The following NLRP3 variants were observed in gnomAD, a reference collection of about 807,000 sequenced individuals.
NLRP3 encodes the protein NLR family pyrin domain containing 3.
NLRP3 carries 48 observed loss-of-function variants against 91.3 expected under a neutral mutation model. The ratio of observed to expected loss-of-function variants is 0.53; its 90% CI spans 0.42 to 0.67. NLRP3 has a LOEUF of 0.67. Ranked by LOEUF, NLRP3 falls within the 30% of genes least tolerant of loss-of-function variation. The pLI, the probability that NLRP3 is intolerant of heterozygous loss-of-function variation, is 0.00. For missense variants in NLRP3, 982 were observed against 1,276.9 expected, an observed-to-expected ratio of 0.77 and a Z score of 3.52; for synonymous variants, 561 against 507.9, an observed-to-expected ratio of 1.10 and a Z score of -1.41.
At chr1:247,428,901 T>TC (rs1663106978) in intron 4 of NLRP3, among the ~76,000 whole-genome samples, 1 of 151,638 alleles carries the variant, frequency 6.6e-6, no homozygotes, top group African/African-American at 2.4e-5. Flanking sequence ...TTTTTCTTTT[T>TC]TTTTTTTTTG....
chr1:247,419,165 T>C, intron 2 of NLRP3, 88 bp downstream of exon 2: 1 of 758,944 alleles, frequency 1.3e-6, no homozygotes, highest in Non-Finnish European at 1.7e-6. Context: ...TATATATATA[T>C]TTTTTTTTGA....
At chr1:247,446,626 C>T (rs1023763390) in intron 9 of NLRP3, among the ~76,000 whole-genome samples, 2 of 152,090 alleles carry the variant, frequency 1.3e-5, no homozygotes, top group African/African-American at 4.8e-5. Context: ...AAATTCTCTG[C>T]TTAAAGGTCT....
intron 3 of NLRP3, among the ~76,000 whole-genome samples, 175 bp downstream of exon 3, chr1:247,423,524 T>G (rs1662623351): frequency 6.6e-6 from 1 of 152,192 alleles, no homozygotes; most frequent in Non-Finnish European, 1.5e-5. Flanking sequence ...TTTGTGTGGC[T>G]CTTGCAGTCC....
chr1:247,444,058 T>G lies in NLRP3; in HGVS notation c.2750T>G (p.Leu917Arg). 6.2e-7 allele frequency: 1 copy of G among 1,614,134 alleles called. No individual in the cohort carries two copies. Among genetic ancestry groups the G allele is most frequent in the Non-Finnish European group, 8.5e-7 (1 of 1,180,008 alleles). The part of the protein sequence containing the change: ...STNQNLTHLY[L>R]RGNTLGDKGI... Reference sequence around the variant, plus strand: ...AATCAGAATCTCACGCACCTTTACCTGCGAGGCAACACTCTCGGAGACAAG... The same window carrying G: ...AATCAGAATCTCACGCACCTTTACCGGCGAGGCAACACTCTCGGAGACAAG... The change falls in exon 8 of 10, where the codon CTG becomes CGG. Residue 917 changes from leucine to arginine, a missense_variant. Physicochemically the swap from Leu to Arg is moderately radical, Grantham distance 102. Coordinates refer to ENST00000336119, the MANE Select transcript of NLRP3 (RefSeq NM_001243133.2).
rs779704250 is a variant in NLRP3 at position 247,424,130 on chromosome 1, G to T, written c.681G>T (p.Gly227=). The T allele has an allele frequency of 6.8e-6, 11 of 1,613,990 alleles. No individual in the cohort carries two copies. The highest frequency in any genetic ancestry group is 2.2e-5 in the South Asian group (2 of 91,060). ...CCGTGGTGTTCCAGGGGGCGGCAGG[G>T]ATTGGGAAAACAATCCTGGCCAGGA... is the stretch of plus-strand genomic sequence containing the variant. ...VHTVVFQGAA[G]IGKTILARKM... The change falls in exon 4 of 10, where the codon GGG becomes GGT. Residue 227 remains glycine (G), a synonymous_variant. Coordinates refer to ENST00000336119, the MANE Select transcript of NLRP3 (RefSeq NM_001243133.2). The surrounding 1 kb of genome is among the most constrained non-coding windows in gnomAD (Gnocchi z 8.1).
chr1:247,421,548 A>G (rs1034109880), intron 2 of NLRP3, among the ~76,000 whole-genome samples: 2 of 152,212 alleles, frequency 1.3e-5, no homozygotes, highest in African/African-American at 4.8e-5. Flanking sequence ...GTACTTTGCT[A>G]AGCAGTTTTT....
chr1:247,425,109 C>T lies in NLRP3; in HGVS notation c.1660C>T (p.Arg554Ter), dbSNP rs180177460. 8 of 1,613,952 alleles carry T rather than the reference C, an allele frequency of 5.0e-6. No individual in the cohort carries two copies. Among genetic ancestry groups the T allele is most frequent in the African/African-American group, 1.3e-5 (1 of 74,878 alleles). The change falls in exon 4 of 10, where the codon CGA becomes TGA. Residue 554 changes from arginine to a stop codon, truncating the protein, a stop_gained. Transcript: ENST00000336119. LOFTEE classifies it high-confidence loss of function. This position sits in a 1 kb window ranked among gnomAD's most constrained non-coding sequence, Gnocchi z 4.1. ...AGGGAGTCGTTTGAAGCTTCCCAGCCGAGACGTGACAGTCCTTCTGGAAAA... is the reference window on the plus strand; with the variant it reads ...AGGGAGTCGTTTGAAGCTTCCCAGCTGAGACGTGACAGTCCTTCTGGAAAA... ...VPGSRLKLPS[R>*]DVTVLLENYG...
At chr1:247,439,066 A>C (rs1038719402) in intron 7 of NLRP3, among the ~76,000 whole-genome samples, 6 of 152,112 alleles carry the variant, frequency 3.9e-5, no homozygotes, top group Admixed American at 3.9e-4. Flanking sequence ...CCATCAATCC[A>C]TCCAAGGGAG....
At chr1:247,447,661 T>TTA (rs1553293980) in intron 9 of NLRP3, among the ~76,000 whole-genome samples, 2 of 151,898 alleles carry the variant, frequency 1.3e-5, no homozygotes, top group African/African-American at 2.4e-5. Context: ...GAACATAAGG[T>TTA]AAAAAAATTT....
intron 6 of NLRP3, among the ~76,000 whole-genome samples, chr1:247,435,290 T>A (rs572339986): frequency 6.6e-6 from 1 of 152,294 alleles, no homozygotes; most frequent in South Asian, 2.1e-4. Context: ...TGTACATCTA[T>A]GTCCATAGCA....
Position 247,434,126 on chromosome 1 carries a change from A to G in NLRP3, c.2345A>G (p.His782Arg), listed in dbSNP as rs773714628. Residue 782 changes from histidine to arginine, a missense_variant, in exon 6 of 10, where the codon CAT (histidine) becomes CGT (arginine). Around this residue, in one of 5 missense-constraint regions of NLRP3, gnomAD observed 373 missense variants for 431.5 expected, o/e 0.86. Transcript: ENST00000336119. ...AGGTTGGGGCGCTGTGGCCTCTCGC[A>G]TGAGTGCTGCTTCGACATCTCCTTG... is the stretch of plus-strand genomic sequence containing the variant. Reference protein sequence around the residue: ...RLWLGRCGLSHECCFDISLVL... With the variant: ...RLWLGRCGLSRECCFDISLVL... 3 of 1,554,940 alleles carry G rather than the reference A, an allele frequency of 1.9e-6. No individual in the cohort carries two copies. Among genetic ancestry groups the G allele is most frequent in the East Asian group, 2.4e-5 (1 of 41,994 alleles).
intron 6 of NLRP3, 59 bp downstream of exon 6, chr1:247,434,332 G>A (rs1364206751): frequency 1.3e-5 from 20 of 1,584,404 alleles, no homozygotes; most frequent in Non-Finnish European, 1.6e-5. Context: ...GCGCACTCTG[G>A]CTTCAGTGAG....
chr1:247,447,301 G>A (rs1403656224), intron 9 of NLRP3, among the ~76,000 whole-genome samples: 1 of 152,132 alleles, frequency 6.6e-6, no homozygotes, highest in Non-Finnish European at 1.5e-5. Flanking sequence ...GAGAAGACAG[G>A]GGAGAAAGAA....
intron 9 of NLRP3, 61 bp downstream of exon 9, chr1:247,444,882 G>A (rs1237011118): frequency 5.7e-6 from 9 of 1,566,314 alleles, no homozygotes; most frequent in East Asian, 4.5e-5. Flanking sequence ...AACGTTGACT[G>A]TTATCAAAAT....
chr1:247,432,593 G>T (rs996763333), intron 5 of NLRP3, among the ~76,000 whole-genome samples: 7 of 152,134 alleles, frequency 4.6e-5, no homozygotes, highest in African/African-American at 1.7e-4. Context: ...CACTGCCATT[G>T]CCCCTGTATG....
Position 247,418,397 on chromosome 1 carries a change from G to C in NLRP3, c.-404G>C, listed in dbSNP as rs1186269532. On this transcript the variant is annotated 5_prime_UTR_variant, in exon 2 of 10. Coordinates refer to ENST00000336119, the MANE Select transcript of NLRP3 (RefSeq NM_001243133.2). ...GCTCACTGCAGCCTCCACTTCCCGGGTTCAATCAATTCTCCTACCTCAACT... is the reference window on the plus strand; with the variant it reads ...GCTCACTGCAGCCTCCACTTCCCGGCTTCAATCAATTCTCCTACCTCAACT... The C allele has an allele frequency of 6.5e-6, 2 of 307,394 alleles. No individual in the cohort carries two copies. Among genetic ancestry groups the C allele is most frequent in the African/African-American group, 4.4e-5 (2 of 45,442 alleles). 19.0% of individuals were successfully genotyped at this position (307,394 alleles called of 1,614,324 possible). A position where few individuals can be genotyped will look rare whatever the true frequency, so the allele number is the denominator to read the frequency against.
rs201764635 is a variant in NLRP3, at chr1:247,444,047, G to C, written c.2739G>C (p.Thr913=). ...TACTCAGCACTAATCAGAATCTCAC[G>C]CACCTTTACCTGCGAGGCAACACTC... ...SSVLSTNQNL[T]HLYLRGNTLG... The change falls in exon 8 of 10, where the codon ACG becomes ACC. Residue 913 remains threonine, a synonymous_variant. Transcript: ENST00000336119. The C allele has an allele frequency of 6.8e-6, 11 of 1,613,988 alleles. No individual in the cohort carries two copies. The highest frequency in any genetic ancestry group is 3.3e-5 in the Admixed American group (2 of 59,988).
rs1398393789 is a variant in NLRP3, at chr1:247,425,904, A to G, written c.2150+305A>G. 13 of 399,256 alleles carry G rather than the reference A, an allele frequency of 3.3e-5. No individual in the cohort carries two copies. The highest frequency in any genetic ancestry group is 6.2e-5 in the Non-Finnish European group (13 of 211,330). The allele number at this position is 399,256 out of a possible 1,614,324, so 24.7% of individuals were successfully genotyped here. On this transcript the variant is annotated intron_variant, in intron 4 of 9. Transcript: ENST00000336119. This position sits in a 1 kb window ranked among gnomAD's most constrained non-coding sequence, Gnocchi z 4.1. ...TATTTGTCAACTGAAATTTCTTGTA[A>G]GCTACTTGGAGCACTAGTGCCTAAG... is the stretch of plus-strand genomic sequence containing the variant.
intron 5 of NLRP3, among the ~76,000 whole-genome samples, chr1:247,431,749 TTGTGC>T (rs1663348263): frequency 6.6e-6 from 1 of 152,220 alleles, no homozygotes; most frequent in Non-Finnish European, 1.5e-5. Flanking sequence ...TCTGATTCGA[TTGTGC>T]TGTTCGGTGG....
Sources: allele counts gnomAD v4.1 joint callset (sites outside exome capture counted in the v4.1 genomes callset), GRCh38; gene constraint gnomAD v4.1.1; regional missense constraint gnomAD v4.1.1; non-coding constraint Gnocchi (gnomAD v3.1); transcripts MANE v1.5; gene names NCBI Gene and HGNC (gene_info 2026-07-23, HGNC 2026-07-21).